The following ITGB3 variants were observed in gnomAD, a reference collection of about 807,000 sequenced individuals.
The protein encoded by ITGB3 is integrin beta-3.
A neutral mutation model predicts 85.8 loss-of-function variants in ITGB3; 48 were observed. The observed-to-expected ratio is 0.56, with a 90% CI of 0.44 to 0.71. ITGB3 has a LOEUF of 0.71. ITGB3 is among the 30% of genes least tolerant of loss of function. The pLI, the probability that ITGB3 is intolerant of heterozygous loss-of-function variation, is 0.00. For synonymous variants in ITGB3, 363 were observed against 395.6 expected, an observed-to-expected ratio of 0.92 and a Z score of 0.98; for missense variants, 861 against 1,019.1, an observed-to-expected ratio of 0.84 and a Z score of 2.11.
intron 9 of ITGB3, among the ~76,000 whole-genome samples, chr17:47,291,794 A>AT (rs1262737534): frequency 1.3e-5 from 2 of 152,176 alleles, no homozygotes; most frequent in Non-Finnish European, 2.9e-5. Flanking sequence ...CTTGCTGATA[A>AT]TTATAATCAG....
Position 47,292,134 on chromosome 17 carries a change from T to C in ITGB3, c.1261-5T>C. ...TGTCTAAATACAATCTTTCTTTCCA[T>C]CCAGGTGAGCTTCAGCATTGAGGCC... On this transcript the variant is annotated splice_region_variant and splice_polypyrimidine_tract_variant and intron_variant, in intron 9 of 14. Coordinates refer to ENST00000559488, the MANE Select transcript of ITGB3 (RefSeq NM_000212.3). 1 of 1,614,062 alleles carries C rather than the reference T, an allele frequency of 6.2e-7. No homozygotes were observed. The highest frequency in any genetic ancestry group is 8.5e-7 in the Non-Finnish European group (1 of 1,179,938).
chr17:47,290,519 A>C (rs1718184777), intron 8 of ITGB3, among the ~76,000 whole-genome samples: 1 of 152,064 alleles, frequency 6.6e-6, no homozygotes, highest in Non-Finnish European at 1.5e-5. Flanking sequence ...GATTAGATGG[A>C]GAAGGAGCAG....
chr17:47,298,123 T>C (rs2065152495), intron 10 of ITGB3, among the ~76,000 whole-genome samples: 1 of 152,060 alleles, frequency 6.6e-6, no homozygotes, highest in Non-Finnish European at 1.5e-5. Context: ...CTTTAAATAA[T>C]TAATTAATTA....
chr17:47,298,418 G>A (rs933979076), intron 10 of ITGB3, among the ~76,000 whole-genome samples: 3 of 152,110 alleles, frequency 2.0e-5, no homozygotes, highest in East Asian at 1.9e-4. Context: ...ACTTGGCTCC[G>A]TTGGCCAACT....
chr17:47,291,336 A>G (rs1276036024), intron 9 of ITGB3: 3 of 604,176 alleles, frequency 5.0e-6, no homozygotes, highest in Non-Finnish European at 8.8e-6. Context: ...AAAACTTACA[A>G]TTTGGTTACC....
intron 13 of ITGB3, chr17:47,303,410 T>C (rs907291021): frequency 6.5e-6 from 1 of 154,860 alleles, no homozygotes; most frequent in African/African-American, 2.4e-5. Flanking sequence ...AAGATAGATA[T>C]GGATCTCATT....
At position 47,289,733 on chromosome 17, in the gene ITGB3, A is replaced by T; in HGVS notation, c.992A>T (p.Asn331Ile). The T allele has an allele frequency of 6.2e-7, 1 of 1,614,090 alleles. No homozygotes were observed. ...GAGAAGCTATCCCAGAAAAACATCA[A>T]TTTGATCTTTGCAGTGACTGAAAAT... The part of the protein sequence containing the change: ...MTEKLSQKNI[N>I]LIFAVTENVV... Residue 331 changes from asparagine (N) to isoleucine (I), a missense_variant, in exon 7 of 15, where the codon AAT becomes ATT. Transcript: ENST00000559488.
chr17:47,276,422 C>G (rs2065064259), intron 2 of ITGB3, among the ~76,000 whole-genome samples: 1 of 152,014 alleles, frequency 6.6e-6, no homozygotes, highest in Non-Finnish European at 1.5e-5. Flanking sequence ...TGGGGCAGGC[C>G]TGGGGAGGGC....
intron 9 of ITGB3, chr17:47,291,410 G>A (rs1287484020): frequency 7.4e-6 from 4 of 542,204 alleles, no homozygotes; most frequent in African/African-American, 1.9e-5. Context: ...TCCCTCACCA[G>A]TCGCCAGCCT....
chr17:47,298,534 C>A (rs1485936299), intron 10 of ITGB3, among the ~76,000 whole-genome samples: 1 of 152,182 alleles, frequency 6.6e-6, no homozygotes, highest in African/African-American at 2.4e-5. Context: ...TTTGGAATAA[C>A]CCCATGCCCT....
At chr17:47,290,044 A>G in intron 7 of ITGB3, 141 bp from the exon 8 acceptor site, 2 of 781,802 alleles carry the variant, frequency 2.6e-6, no homozygotes, top group Non-Finnish European at 4.5e-6. Flanking sequence ...ACTGCTAGAT[A>G]TATTCCTGGC....
intron 2 of ITGB3, among the ~76,000 whole-genome samples, chr17:47,277,370 T>C (rs1225045680): frequency 1.3e-5 from 2 of 152,196 alleles, no homozygotes; most frequent in Non-Finnish European, 2.9e-5. Context: ...CATTGCTAAT[T>C]GAAGGGCCAC....
chr17:47,277,709 G>T (rs933732435), intron 2 of ITGB3, among the ~76,000 whole-genome samples: 2 of 152,140 alleles, frequency 1.3e-5, no homozygotes. Context: ...GAAATACTAG[G>T]AATTCTTATA....
intron 1 of ITGB3, among the ~76,000 whole-genome samples, chr17:47,261,024 G>T (rs1220676554): frequency 6.6e-6 from 1 of 152,090 alleles, no homozygotes; most frequent in African/African-American, 2.4e-5. Flanking sequence ...ATGACATACG[G>T]TTATTAACTA....
chr17:47,290,286 G>C lies in ITGB3; in HGVS notation c.1125+12G>C. The C allele has an allele frequency of 1.2e-6, 2 of 1,610,052 alleles. No individual in the cohort carries two copies. The highest frequency in any genetic ancestry group is 1.7e-6 in the Non-Finnish European group (2 of 1,176,624). Reference sequence around the variant, plus strand: ...TTGATGCTTATGGGGTAAGTGTCTTGTGCTGGGAATAGTCCCGCGGAGAGT... The same window carrying C: ...TTGATGCTTATGGGGTAAGTGTCTTCTGCTGGGAATAGTCCCGCGGAGAGT... On this transcript the variant is annotated intron_variant, in intron 8 of 14. Transcript: ENST00000559488.
At chr17:47,266,804 A>G (rs1357674885) in intron 1 of ITGB3, among the ~76,000 whole-genome samples, 5 of 152,146 alleles carry the variant, frequency 3.3e-5, no homozygotes, top group Admixed American at 3.3e-4. Context: ...CTAGTCGCCA[A>G]CTACTGGGCT....
In ITGB3 at chr17:47,292,033, A is replaced by G. The variant is rs2065128259; in HGVS notation, c.1261-106A>G. ...AGATTGCAAAAGCATAAGACACCCA[A>G]TTTGGGTATTCCTTGGCAGGGCAGG... On this transcript the variant is annotated intron_variant, in intron 9 of 14. Transcript: ENST00000559488. 9 of 1,160,550 alleles carry G rather than the reference A, an allele frequency of 7.8e-6. No individual in the cohort carries two copies. The East Asian group carries it at 1.7e-4, about 22-fold the overall frequency. 71.9% of individuals were successfully genotyped at this position (1,160,550 alleles called of 1,614,324 possible). A position where few individuals can be genotyped will look rare whatever the true frequency, so the allele number is the denominator to read the frequency against.
At chr17:47,296,458 T>C (rs908103830) in intron 10 of ITGB3, among the ~76,000 whole-genome samples, 18 of 152,174 alleles carry the variant, frequency 1.2e-4, no homozygotes, top group Admixed American at 1.0e-3. Context: ...AGTCTTGAAC[T>C]CCTGGGCTCA....
Position 47,311,669 on chromosome 17 carries a change from A to G in ITGB3, c.*1465A>G, listed in dbSNP as rs2065215383. The G allele has an allele frequency of 6.6e-6, 1 of 152,158 alleles. No homozygotes were observed. The highest frequency in any genetic ancestry group is 2.1e-4 in the South Asian group (1 of 4,816). The allele number at this position is 152,158 out of a possible 1,614,324, so 9.4% of individuals were successfully genotyped here. A position where few individuals can be genotyped will look rare whatever the true frequency, so the allele number is the denominator to read the frequency against. On this transcript the variant is annotated 3_prime_UTR_variant, in exon 15 of 15. Coordinates refer to ENST00000559488, the MANE Select transcript of ITGB3 (RefSeq NM_000212.3). ...GAAGGCTATGGGGATAGATGTGTGG[A>G]CACATTGGACCTTTCCTGAGGAAGA...
Sources: allele counts gnomAD v4.1 joint callset (sites outside exome capture counted in the v4.1 genomes callset), GRCh38; gene constraint gnomAD v4.1.1; transcripts MANE v1.5; gene names NCBI Gene and HGNC (gene_info 2026-07-23, HGNC 2026-07-21).